The following ICA1L variants were observed in gnomAD, a reference collection of about 807,000 sequenced individuals.
ICA1L encodes islet cell autoantigen 1-like protein.
In ICA1L, 50 loss-of-function variants were observed where a neutral mutation model predicts 61.3. The ratio of observed to expected loss-of-function variants is 0.82; its 90% confidence interval spans 0.65 to 1.03. ICA1L has a LOEUF of 1.03. ICA1L is among the 50% of genes least tolerant of loss of function. The pLI is 0.00. For missense variants in ICA1L, 508 were observed against 556.7 expected, an observed-to-expected ratio of 0.91 and a Z score of 0.88; for synonymous variants, 161 against 191.3, an observed-to-expected ratio of 0.84 and a Z score of 1.31.
intron 12 of ICA1L, 29 bp downstream of exon 12, chr2:202,785,889 G>GATAAAGAATAT (rs1553530052): frequency 1.7e-6 from 2 of 1,197,868 alleles, no homozygotes; most frequent in Non-Finnish European, 2.4e-6. Flanking sequence ...TTAAAGCAAT[G>GATAAAGAATAT]ATAAAGAATA....
chr2:202,788,102 T>C (rs915885225), intron 11 of ICA1L, among the ~76,000 whole-genome samples: 6 of 152,312 alleles, frequency 3.9e-5, no homozygotes, highest in Admixed American at 1.3e-4. Flanking sequence ...AAATGCGACA[T>C]AGGCAGGTTT....
rs1322200304 is a variant in ICA1L, at chr2:202,849,578, A to G, written c.-7-20562T>C. The stretch of plus-strand genomic sequence containing the variant: ...GTGGCTATGGCCAGACTGCCTCTCT[A>G]GACTCCTCCTCACTGGGCAGGGCAT... On this transcript the variant is annotated intron_variant, in intron 1 of 12. Coordinates refer to ENST00000358299, the MANE Select transcript of ICA1L (RefSeq NM_001288622.3). This position sits in a 1 kb window ranked among gnomAD's most constrained non-coding sequence, Gnocchi z 4.5. Among the ~76,000 whole-genome samples the G allele has an allele frequency of 6.6e-6, 1 of 152,202 alleles. No homozygotes were observed. The highest frequency in any genetic ancestry group is 2.4e-5 in the African/African-American group (1 of 41,446).
chr2:202,840,073 A>ATT (rs532184078), intron 1 of ICA1L, among the ~76,000 whole-genome samples: 105 of 95,174 alleles, frequency 1.1e-3, no homozygotes, highest in South Asian at 1.9e-3. Context: ...TTAATTTTTA[A>ATT]TTTTTTTTTT....
intron 12 of ICA1L, among the ~76,000 whole-genome samples, 154 bp from the exon 13 acceptor site, chr2:202,779,802 T>TA: frequency 6.8e-6 from 1 of 146,246 alleles, no homozygotes; most frequent in South Asian, 2.1e-4. Context: ...CTTTAAGATT[T>TA]TTTTTTTTTT....
chr2:202,860,873 C>A (rs760053564), intron 1 of ICA1L, among the ~76,000 whole-genome samples: 1 of 152,126 alleles, frequency 6.6e-6, no homozygotes, highest in Non-Finnish European at 1.5e-5. Context: ...AAACAGGTTT[C>A]AAGATAAATA....
chr2:202,776,792 T>C lies in ICA1L; in HGVS notation c.*2741A>G, dbSNP rs1035372103. 1 of 152,204 alleles carries C rather than the reference T, an allele frequency of 6.6e-6. No homozygotes were observed. The highest frequency in any genetic ancestry group is 2.4e-5 in the African/African-American group (1 of 41,462). 9.4% of individuals were successfully genotyped at this position (152,204 alleles called of 1,614,324 possible). ...TACTCTGTTGAAAGAAGAAATGTTA[T>C]AGAAACTAGTAACAGAATAATAAAA... On this transcript the variant is annotated 3_prime_UTR_variant, in exon 13 of 13. Transcript: ENST00000358299.
At chr2:202,861,939 CTTTT>C (rs144579510) in intron 1 of ICA1L, among the ~76,000 whole-genome samples, 3 of 123,016 alleles carry the variant, frequency 2.4e-5, no homozygotes, top group Non-Finnish European at 5.0e-5. Context: ...AAGCCTCCGC[CTTTT>C]TTTTTTTTTT....
Position 202,776,537 on chromosome 2 carries a change from G to C in ICA1L, c.*2996C>G, listed in dbSNP as rs1692228352. The C allele has an allele frequency of 6.6e-6, 1 of 152,192 alleles. No individual in the cohort carries two copies. 9.4% of individuals were successfully genotyped at this position (152,192 alleles called of 1,614,324 possible). On this transcript the variant is annotated 3_prime_UTR_variant, in exon 13 of 13. Coordinates refer to ENST00000358299, the MANE Select transcript of ICA1L (RefSeq NM_001288622.3). ...TCCCGTCCTTTCCCTCGTTTCTTCA[G>C]TGTGGTGGTTTTTTATATTAGCAGT...
intron 9 of ICA1L, among the ~76,000 whole-genome samples, chr2:202,804,527 C>T (rs138284834): frequency 6.6e-6 from 1 of 152,274 alleles, no homozygotes; most frequent in East Asian, 1.9e-4. Context: ...CCCAGATCCT[C>T]AAAATACATC....
At chr2:202,840,780 T>C (rs772851787) in intron 1 of ICA1L, 4 of 597,898 alleles carry the variant, frequency 6.7e-6, no homozygotes, top group Middle Eastern at 4.3e-4. Flanking sequence ...GCATCTGCGA[T>C]GGCAGCCTCC....
At chr2:202,796,581 T>C (rs1692932541) in intron 10 of ICA1L, among the ~76,000 whole-genome samples, 1 of 152,238 alleles carries the variant, frequency 6.6e-6, no homozygotes, top group Non-Finnish European at 1.5e-5. Flanking sequence ...ACACTAGATA[T>C]ACAAACAATT....
At chr2:202,807,901 A>G (rs1693268134) in intron 9 of ICA1L, among the ~76,000 whole-genome samples, 1 of 152,068 alleles carries the variant, frequency 6.6e-6, no homozygotes, top group South Asian at 2.1e-4. Context: ...AAAGGGAAGG[A>G]CCCAGTCCTG....
intron 10 of ICA1L, among the ~76,000 whole-genome samples, chr2:202,795,211 G>A (rs969247021): frequency 6.6e-6 from 1 of 151,226 alleles, no homozygotes; most frequent in Non-Finnish European, 1.5e-5. Flanking sequence ...GGCTGATCTC[G>A]AACTCCCGAC....
chr2:202,797,641 C>T (rs1559130853), intron 9 of ICA1L, among the ~76,000 whole-genome samples: 1 of 152,180 alleles, frequency 6.6e-6, no homozygotes, highest in Non-Finnish European at 1.5e-5. Context: ...CCTGCCTCAG[C>T]CTCCCAAGTA....
chr2:202,786,014 TA>T lies in ICA1L; in HGVS notation c.1244-8del. The T allele has an allele frequency of 6.5e-7, 1 of 1,528,402 alleles. No individual in the cohort carries two copies. The highest frequency in any genetic ancestry group is 9.0e-7 in the Non-Finnish European group (1 of 1,111,724). The allele number at this position is 1,528,402 out of a possible 1,614,324, so 94.7% of individuals were successfully genotyped here. A position where few individuals can be genotyped will look rare whatever the true frequency, so the allele number is the denominator to read the frequency against. ...TCCTCTTGGGAGACCCAGTCTGGGA[TA>T]AAAGAAGTAAAAATTGTCCATTGTT... On this transcript the variant is annotated splice_polypyrimidine_tract_variant and splice_region_variant and intron_variant, in intron 11 of 12. Coordinates refer to ENST00000358299, the MANE Select transcript of ICA1L (RefSeq NM_001288622.3).
chr2:202,774,262 C>T lies in ICA1L; in HGVS notation c.*5271G>A. The T allele has an allele frequency of 2.6e-6, 4 of 1,545,660 alleles. No homozygotes were observed. Among genetic ancestry groups the T allele is most frequent in the Non-Finnish European group, 2.6e-6 (3 of 1,145,580 alleles). ...TCTTCTCGCTCCTGTCGGCCAAAGG[C>T]CGTGACCCCGACGCGTGCAGGCACC... On this transcript the variant is annotated 3_prime_UTR_variant, in exon 13 of 13. Coordinates refer to ENST00000358299, the MANE Select transcript of ICA1L (RefSeq NM_001288622.3).
intron 9 of ICA1L, among the ~76,000 whole-genome samples, chr2:202,804,730 A>G (rs925208137): frequency 2.6e-5 from 4 of 152,260 alleles, no homozygotes; most frequent in Non-Finnish European, 5.9e-5. Context: ...CTCAAGCAAC[A>G]TGAAACATTT....
At chr2:202,864,586 AGT>A (rs899270404) in intron 1 of ICA1L, among the ~76,000 whole-genome samples, 7 of 151,524 alleles carry the variant, frequency 4.6e-5, no homozygotes, top group African/African-American at 9.7e-5. Context: ...CTAATGTAGT[AGT>A]GTGTGTGTAT....
intron 1 of ICA1L, among the ~76,000 whole-genome samples, chr2:202,868,273 A>G (rs917609634): frequency 6.6e-6 from 1 of 152,252 alleles, no homozygotes; most frequent in Non-Finnish European, 1.5e-5. Flanking sequence ...ACCCACAATG[A>G]TATACCAATA....
Sources: gnomAD v4.1 joint callset for allele counts (sites outside exome capture counted in the v4.1 genomes callset) on GRCh38, gnomAD v4.1.1 for gene constraint, Gnocchi (gnomAD v3.1) non-coding constraint, MANE v1.5 for transcripts, NCBI Gene and HGNC (gene_info 2026-07-23, HGNC 2026-07-21) for gene names.